The following NTNG1 variants were observed in gnomAD, a reference collection of about 807,000 sequenced individuals.
NTNG1 encodes the protein netrin G1.
Under a neutral mutation model 54.0 loss-of-function variants are expected in NTNG1, and 16 were observed. That is an observed-to-expected ratio of 0.30 (90% CI 0.20 to 0.45). The LOEUF is 0.45. Ranked by LOEUF, NTNG1 falls within the 20% of genes least tolerant of loss-of-function variation. The probability of loss-of-function intolerance (pLI) is 1.00; values close to 1 mark genes in which losing one functional copy is unlikely to be tolerated. For synonymous variants in NTNG1, 255 were observed against 263.1 expected, an observed-to-expected ratio of 0.97 and a Z score of 0.30; for missense variants, 530 against 678.7, an observed-to-expected ratio of 0.78 and a Z score of 2.43.
At chr1:107,155,176 T>C (rs1187534434) in intron 2 of NTNG1, among the ~76,000 whole-genome samples, 2 of 152,068 alleles carry the variant, frequency 1.3e-5, no homozygotes, top group Non-Finnish European at 2.9e-5. Context: ...TGTTTTGTTT[T>C]GTTTTGTGTT....
rs1192362581 is a variant in NTNG1, at chr1:107,484,551, T to TA, written c.*3713dup. On this transcript the variant is annotated 3_prime_UTR_variant, in exon 8 of 8. Coordinates refer to ENST00000370068, the MANE Select transcript of NTNG1 (RefSeq NM_001113226.3). ...CTGAGGTGCCCTTGAGTCAGATCCC[T>TA]AAGTTGGCACAAACTGCTAACCACA... 1.3e-5 allele frequency among the ~76,000 whole-genome samples: 2 copies of TA among 152,212 alleles called. No homozygotes were observed. The highest frequency in any genetic ancestry group is 2.9e-5 in the Non-Finnish European group (2 of 68,030).
intron 2 of NTNG1, among the ~76,000 whole-genome samples, chr1:107,256,104 C>T (rs1352545362): frequency 6.6e-6 from 1 of 152,180 alleles, no homozygotes; most frequent in Non-Finnish European, 1.5e-5. Context: ...ATGGTCACAT[C>T]TCAAACATTC....
intron 2 of NTNG1, among the ~76,000 whole-genome samples, chr1:107,221,803 C>T (rs1660368069): frequency 6.6e-6 from 1 of 152,136 alleles, no homozygotes; most frequent in African/African-American, 2.4e-5. Flanking sequence ...GTACAATTGT[C>T]AGTGCCATCC....
chr1:107,221,313 G>A (rs1309406799), intron 2 of NTNG1, among the ~76,000 whole-genome samples: 2 of 152,142 alleles, frequency 1.3e-5, no homozygotes, highest in Admixed American at 1.3e-4. Context: ...CCCACAAGGA[G>A]ACCACACTCC....
intron 3 of NTNG1, among the ~76,000 whole-genome samples, chr1:107,338,733 A>C (rs1286957854): frequency 1.3e-5 from 2 of 151,948 alleles, no homozygotes; most frequent in African/African-American, 2.4e-5. Flanking sequence ...ACTCTGAACT[A>C]AATATCAAAA....
chr1:107,191,262 T>G (rs1015616947), intron 2 of NTNG1, among the ~76,000 whole-genome samples: 2 of 152,158 alleles, frequency 1.3e-5, no homozygotes, highest in Admixed American at 6.5e-5. Context: ...TTGCCCACTT[T>G]TTGATGGGGT....
chr1:107,324,355 T>C lies in NTNG1; in HGVS notation c.320T>C (p.Phe107Ser), dbSNP rs1186122860. 2 of 1,613,640 alleles carry C rather than the reference T, an allele frequency of 1.2e-6. No individual in the cohort carries two copies. The highest frequency in any genetic ancestry group is 2.7e-5 in the African/African-American group (2 of 74,864). Residue 107 changes from phenylalanine to serine, a missense_variant, in exon 3 of 8, where the codon TTT (phenylalanine) becomes TCT (serine). Physicochemically the swap from Phe to Ser is radical, Grantham distance 155 (BLOSUM62 -2). Transcript: ENST00000370068. ...CTGGCACACCCCCCTGAGCTGATGT[T>C]TGATTTTGAAGGAAGACATCCCTCC... is the stretch of plus-strand genomic sequence containing the variant. ...PELAHPPELM[F>S]DFEGRHPSTF...
chr1:107,225,673 T>G (rs753962634), intron 2 of NTNG1, among the ~76,000 whole-genome samples: 7 of 152,298 alleles, frequency 4.6e-5, no homozygotes, highest in Non-Finnish European at 8.8e-5. Flanking sequence ...GTTAGTTATA[T>G]TTTTCTATGT....
chr1:107,187,164 C>G (rs1657522087), intron 2 of NTNG1, among the ~76,000 whole-genome samples: 1 of 152,056 alleles, frequency 6.6e-6, no homozygotes, highest in Non-Finnish European at 1.5e-5. Flanking sequence ...GCCTATTACT[C>G]TCTGTATTTT....
intron 2 of NTNG1, among the ~76,000 whole-genome samples, chr1:107,239,353 T>C (rs1217104958): frequency 6.6e-6 from 1 of 152,168 alleles, no homozygotes; most frequent in African/African-American, 2.4e-5. Context: ...AAACAGTAGA[T>C]TGGAATGGAA....
intron 7 of NTNG1, among the ~76,000 whole-genome samples, chr1:107,456,361 C>T (rs1291985098): frequency 6.6e-6 from 1 of 152,130 alleles, no homozygotes; most frequent in Admixed American, 6.5e-5. Context: ...GTCTACATTC[C>T]TACTTTTAAT....
At chr1:107,360,876 C>T (rs1057311079) in intron 3 of NTNG1, among the ~76,000 whole-genome samples, 2 of 151,988 alleles carry the variant, frequency 1.3e-5, no homozygotes, top group Non-Finnish European at 2.9e-5. Context: ...CTCCAGAATA[C>T]ATGTTACATA....
chr1:107,261,918 T>C (rs977637227), intron 2 of NTNG1, among the ~76,000 whole-genome samples: 1 of 152,192 alleles, frequency 6.6e-6, no homozygotes, highest in South Asian at 2.1e-4. Context: ...CATTCTCATA[T>C]GTAAGGTAAA....
intron 2 of NTNG1, among the ~76,000 whole-genome samples, chr1:107,250,682 G>A (rs181319734): frequency 5.9e-5 from 9 of 152,062 alleles, no homozygotes; most frequent in Non-Finnish European, 1.0e-4. Context: ...CCTAACTCTC[G>A]GTCCTTCAGA....
In NTNG1 at chr1:107,447,727, G is replaced by A. The variant is rs1433180894; in HGVS notation, c.1390+10928G>A. Among the ~76,000 whole-genome samples, 3 of 152,008 alleles carry A rather than the reference G, an allele frequency of 2.0e-5. No individual in the cohort carries two copies. In the East Asian group the frequency reaches 5.8e-4, roughly 29 times the overall value. ...TCCTTTCAAATACAGCAAATGAGATGAGATCATACTCTACTCTACAGAAAA... is the reference window on the plus strand; with the variant it reads ...TCCTTTCAAATACAGCAAATGAGATAAGATCATACTCTACTCTACAGAAAA... On this transcript the variant is annotated intron_variant, in intron 7 of 7. Transcript: ENST00000370068.
At chr1:107,226,065 G>A (rs1008044016) in intron 2 of NTNG1, among the ~76,000 whole-genome samples, 25 of 152,234 alleles carry the variant, frequency 1.6e-4, no homozygotes, top group African/African-American at 5.8e-4. Flanking sequence ...AAAAGATTAA[G>A]TATCTTGCCC....
At chr1:107,408,409 T>C (rs937694784) in intron 5 of NTNG1, 1 of 153,506 alleles carries the variant, frequency 6.5e-6, no homozygotes, top group Non-Finnish European at 1.4e-5. Flanking sequence ...ATTCCTTTAA[T>C]AAATCTGTTA....
intron 3 of NTNG1, among the ~76,000 whole-genome samples, chr1:107,357,075 G>T (rs1340498882): frequency 3.9e-5 from 6 of 152,172 alleles, no homozygotes; most frequent in African/African-American, 1.4e-4. Context: ...AATCAGCAGT[G>T]CCTAACCAGA....
intron 2 of NTNG1, among the ~76,000 whole-genome samples, chr1:107,318,808 C>T (rs565066347): frequency 4.6e-4 from 70 of 152,238 alleles, no homozygotes; most frequent in African/African-American, 1.6e-3. Flanking sequence ...TGTTGGTACC[C>T]AGCATACCAG....
Sources: gnomAD v4.1 joint callset for allele counts (sites outside exome capture counted in the v4.1 genomes callset) on GRCh38, gnomAD v4.1.1 for gene constraint, MANE v1.5 for transcripts, NCBI Gene and HGNC (gene_info 2026-07-23, HGNC 2026-07-21) for gene names.